The following TMOD2 variants were observed in gnomAD, a reference collection of about 807,000 sequenced individuals.
The protein encoded by TMOD2 is tropomodulin-2.
Under a neutral mutation model 39.9 loss-of-function variants are expected in TMOD2, and 22 were observed. The ratio of observed to expected loss-of-function variants is 0.55; its 90% CI spans 0.39 to 0.79. TMOD2 has a LOEUF of 0.79. Among genes scored for constraint, TMOD2 ranks in the 30% least tolerant of loss-of-function variants. The probability of loss-of-function intolerance (pLI) is 0.00; values close to 1 mark genes in which losing one functional copy is unlikely to be tolerated. For missense variants in TMOD2, 386 were observed against 413.3 expected (o/e 0.93, Z 0.57); for synonymous variants, 123 against 146.1 (o/e 0.84, Z 1.14).
intron 7 of TMOD2, among the ~76,000 whole-genome samples, chr15:51,787,144 A>G (rs546225222): frequency 2.1e-4 from 32 of 152,336 alleles, no homozygotes; most frequent in African/African-American, 7.5e-4. Context: ...CTTTTTCCAC[A>G]GTCTTCACAA....
chr15:51,798,172 G>A, intron 7 of TMOD2, 25 bp from the exon 8 acceptor site: 1 of 1,562,814 alleles, frequency 6.4e-7, no homozygotes, highest in Non-Finnish European at 8.6e-7. Context: ...TTAATTCTAA[G>A]TTTTTTTTCT....
intron 3 of TMOD2, among the ~76,000 whole-genome samples, chr15:51,771,084 G>A (rs1567237523): frequency 6.6e-6 from 1 of 152,214 alleles, no homozygotes; most frequent in Non-Finnish European, 1.5e-5. Flanking sequence ...ATCTCCAGAT[G>A]GTTGGTGGGG....
At chr15:51,804,126 T>C (rs2056107116) in intron 8 of TMOD2, among the ~76,000 whole-genome samples, 1 of 152,226 alleles carries the variant, frequency 6.6e-6, no homozygotes, top group South Asian at 2.1e-4. Context: ...CTTGCAGAAA[T>C]GCCCCAAGAT....
At chr15:51,795,387 T>C (rs1386477713) in intron 7 of TMOD2, among the ~76,000 whole-genome samples, 1 of 150,228 alleles carries the variant, frequency 6.7e-6, no homozygotes, top group African/African-American at 2.5e-5. Flanking sequence ...ACAGTGCCAC[T>C]GCACTCCAGC....
chr15:51,797,394 G>A (rs921856751), intron 7 of TMOD2, among the ~76,000 whole-genome samples: 5 of 152,144 alleles, frequency 3.3e-5, no homozygotes, highest in African/African-American at 1.2e-4. Flanking sequence ...TTCCTAAGGC[G>A]GTTCTTTAAG....
intron 3 of TMOD2, among the ~76,000 whole-genome samples, chr15:51,771,743 A>C (rs1429579027): frequency 1.3e-5 from 2 of 152,230 alleles, no homozygotes; most frequent in African/African-American, 2.4e-5. Flanking sequence ...AAAATGTTTC[A>C]GGCCATAGAC....
chr15:51,767,634 TA>T (rs35154339), intron 2 of TMOD2, among the ~76,000 whole-genome samples: 68,444 of 148,834 alleles, frequency 0.46, 15,642 homozygotes, highest in African/African-American at 0.48. Flanking sequence ...CAATTACGGT[TA>T]AAAAAAAAAA....
chr15:51,785,608 G>A (rs1042910217), intron 7 of TMOD2, among the ~76,000 whole-genome samples: 4 of 151,888 alleles, frequency 2.6e-5, no homozygotes, highest in African/African-American at 7.3e-5. Context: ...CTTACATGTA[G>A]GAGCTAAAAA....
At chr15:51,764,352 G>A (rs1260291684) in intron 1 of TMOD2, among the ~76,000 whole-genome samples, 2 of 152,156 alleles carry the variant, frequency 1.3e-5, no homozygotes, top group Non-Finnish European at 2.9e-5. Context: ...TAATGGAAAA[G>A]AGCGTTGCAT....
At chr15:51,780,638 C>T (rs2055923250) in intron 5 of TMOD2, among the ~76,000 whole-genome samples, 1 of 152,062 alleles carries the variant, frequency 6.6e-6, no homozygotes, top group Admixed American at 6.5e-5. Flanking sequence ...ATCAAGAGGC[C>T]AGAGGGGTAT....
At chr15:51,755,156 CAA>C (rs1448745604) in intron 1 of TMOD2, among the ~76,000 whole-genome samples, 1 of 152,080 alleles carries the variant, frequency 6.6e-6, no homozygotes, top group Non-Finnish European at 1.5e-5. Context: ...TTCAGCACAC[CAA>C]AAAGTCAATT....
intron 7 of TMOD2, among the ~76,000 whole-genome samples, chr15:51,787,181 T>C (rs1221410986): frequency 2.0e-5 from 3 of 152,238 alleles, no homozygotes; most frequent in Non-Finnish European, 2.9e-5. Context: ...TTCCCTCCTG[T>C]GCCTGGCTTG....
chr15:51,798,193 T>C lies in TMOD2; in HGVS notation c.733-4T>C, dbSNP rs577356878. On this transcript the variant is annotated splice_region_variant and splice_polypyrimidine_tract_variant and intron_variant, in intron 7 of 9. Coordinates refer to ENST00000249700, the MANE Select transcript of TMOD2 (RefSeq NM_014548.4). The stretch of plus-strand genomic sequence containing the variant: ...CTAAGTTTTTTTTCTTTTTGCATCA[T>C]AAGGCTTTTGCAGACATGCTGAAAG... 1 of 1,583,198 alleles carries C rather than the reference T, an allele frequency of 6.3e-7. No individual in the cohort carries two copies. The highest frequency in any genetic ancestry group is 1.2e-5 in the South Asian group (1 of 84,550).
intron 3 of TMOD2, among the ~76,000 whole-genome samples, chr15:51,770,502 C>T (rs1042369758): frequency 6.6e-6 from 1 of 152,154 alleles, no homozygotes; most frequent in East Asian, 1.9e-4. Flanking sequence ...TCTCAGAAAT[C>T]TGTACTGCAG....
chr15:51,779,413 C>G (rs933531260), intron 5 of TMOD2, among the ~76,000 whole-genome samples: 6 of 151,502 alleles, frequency 4.0e-5, no homozygotes, highest in Non-Finnish European at 8.8e-5. Context: ...CAGAGTCTCG[C>G]TCTGTTGCCC....
chr15:51,808,601 C>A lies in TMOD2; in HGVS notation c.*147C>A. The A allele has an allele frequency of 1.9e-6, 1 of 526,786 alleles. No individual in the cohort carries two copies. The allele number at this position is 526,786 out of a possible 1,614,324, so 32.6% of individuals were successfully genotyped here. ...TAATTTAATTGTTATTCTTTTTTAG[C>A]ACTACTTATTTATCTTGGATTTTGT... is the stretch of plus-strand genomic sequence containing the variant. On this transcript the variant is annotated 3_prime_UTR_variant, in exon 10 of 10. Coordinates refer to ENST00000249700, the MANE Select transcript of TMOD2 (RefSeq NM_014548.4).
At chr15:51,782,472 T>A (rs556474564) in intron 6 of TMOD2, among the ~76,000 whole-genome samples, 16 of 152,356 alleles carry the variant, frequency 1.1e-4, no homozygotes, top group Admixed American at 9.8e-4. Flanking sequence ...CATACTTTCT[T>A]GGTTAGGGAA....
intron 8 of TMOD2, among the ~76,000 whole-genome samples, chr15:51,802,865 C>G (rs2056098828): frequency 6.6e-6 from 1 of 152,152 alleles, no homozygotes; most frequent in Non-Finnish European, 1.5e-5. Context: ...TGAGGAGAGA[C>G]TCGTTTGAGG....
chr15:51,760,380 C>T (rs935568722), intron 1 of TMOD2, among the ~76,000 whole-genome samples: 4 of 152,350 alleles, frequency 2.6e-5, no homozygotes, highest in Middle Eastern at 3.4e-3. Flanking sequence ...TGGCTCATGG[C>T]CCCTTCCACC....
Sources: gnomAD v4.1 joint callset for allele counts (sites outside exome capture counted in the v4.1 genomes callset) on GRCh38, gnomAD v4.1.1 for gene constraint, MANE v1.5 for transcripts, NCBI Gene and HGNC (gene_info 2026-07-23, HGNC 2026-07-21) for gene names.